ADAP1: variants seen among roughly 807,000 people sequenced by gnomAD.
The protein encoded by ADAP1 is ArfGAP with dual PH domains 1, also known as arf-GAP with dual PH domain-containing protein 1.
ADAP1 carries 31 observed loss-of-function variants against 54.9 expected under a neutral mutation model. The observed-to-expected ratio is 0.56, with a 90% CI of 0.42 to 0.76. ADAP1 has a LOEUF of 0.76. ADAP1 is among the 30% of genes least tolerant of loss of function. The pLI is 0.00. For missense variants in ADAP1, 535 were observed against 512.4 expected, an observed-to-expected ratio of 1.04 and a Z score of -0.42; for synonymous variants, 313 against 202.6, an observed-to-expected ratio of 1.55 and a Z score of -4.63.
rs921961429 is a variant in ADAP1 at position 938,103 on chromosome 7, G to A, written c.83-2598C>T. Among the ~76,000 whole-genome samples the A allele has an allele frequency of 2.0e-5, 3 of 152,172 alleles. No individual in the cohort carries two copies. Among genetic ancestry groups the A allele is most frequent in the African/African-American group, 4.8e-5 (2 of 41,444 alleles). ...GAGTTTTGCCTGTGCTGAGTAGGGC[G>A]GCTTTTGGGAGAAAGAATGCGGTTA... On this transcript the variant is annotated intron_variant, in intron 1 of 10. Coordinates refer to ENST00000265846, the MANE Select transcript of ADAP1 (RefSeq NM_006869.4). This position sits in a 1 kb window ranked among gnomAD's most constrained non-coding sequence, Gnocchi z 4.4.
At chr7:921,019 G>T (rs1488983254) in intron 3 of ADAP1, 4 of 664,422 alleles carry the variant, frequency 6.0e-6, no homozygotes, top group Non-Finnish European at 1.0e-5. Context: ...CTGGCCCCTG[G>T]CCCCAGGTGT....
At chr7:944,534 C>A (rs1024125574) in intron 1 of ADAP1, among the ~76,000 whole-genome samples, 1 of 152,048 alleles carries the variant, frequency 6.6e-6, no homozygotes, top group African/African-American at 2.4e-5. Context: ...GATTATAGGC[C>A]TGAGCCACCG....
chr7:922,829 C>T (rs1283681408), intron 3 of ADAP1: 1 of 148,600 alleles, frequency 6.7e-6, no homozygotes, highest in East Asian at 2.0e-4. Context: ...CGCCCACGCA[C>T]CTGCCTCTCA....
intron 6 of ADAP1, among the ~76,000 whole-genome samples, chr7:903,136 G>A (rs1844905622): frequency 6.6e-6 from 1 of 152,196 alleles, no homozygotes; most frequent in Admixed American, 6.5e-5. Flanking sequence ...ACAACAGTCT[G>A]CGGAGAGTCT....
At position 906,686 on chromosome 7, in the gene ADAP1, ACGGG is replaced by A. The variant is rs1562915160; in HGVS notation, c.389-1518_389-1515del. Among the ~76,000 whole-genome samples the A allele has an allele frequency of 2.9e-3, 192 of 66,292 alleles. 11 individuals are homozygous for A. The highest frequency in any genetic ancestry group is 5.9e-3 in the African/African-American group (73 of 12,468). The allele number at this position is 66,292 out of a possible 152,430, so 43.5% of individuals were successfully genotyped here. On this transcript the variant is annotated intron_variant, in intron 4 of 10. Coordinates refer to ENST00000265846, the MANE Select transcript of ADAP1 (RefSeq NM_006869.4). ...GGGAAAGGGGACATGGACAGGGGAC[ACGGG>A]GGACATGGACATGGGGGACGGGACA...
At chr7:907,311 G>A (rs1335207105) in intron 4 of ADAP1, among the ~76,000 whole-genome samples, 1 of 152,164 alleles carries the variant, frequency 6.6e-6, no homozygotes, top group Non-Finnish European at 1.5e-5. Context: ...AGGGGAGGGA[G>A]GCAGAGATAT....
chr7:909,662 G>A (rs899405404), intron 4 of ADAP1, among the ~76,000 whole-genome samples: 1 of 152,250 alleles, frequency 6.6e-6, no homozygotes, highest in Non-Finnish European at 1.5e-5. Context: ...GTGAGACGGG[G>A]CTTCTCCCCA....
intron 1 of ADAP1, among the ~76,000 whole-genome samples, chr7:936,965 C>T (rs1397422579): frequency 2.0e-5 from 3 of 152,346 alleles, no homozygotes; most frequent in South Asian, 4.1e-4. Context: ...GGGGCTGGGC[C>T]TGGGCTCTGA....
chr7:910,631 G>A (rs561680728), intron 4 of ADAP1, among the ~76,000 whole-genome samples: 24 of 152,214 alleles, frequency 1.6e-4, no homozygotes, highest in Non-Finnish European at 2.6e-4. Flanking sequence ...CACACCTCAC[G>A]TATGTGATTT....
At chr7:913,393 G>A (rs2128101821) in intron 4 of ADAP1, among the ~76,000 whole-genome samples, 1 of 151,762 alleles carries the variant, frequency 6.6e-6, no homozygotes, top group Middle Eastern at 3.4e-3. Context: ...AGTAGAGACG[G>A]GGTTTCACCG....
intron 6 of ADAP1, chr7:901,427 G>A (rs1467577805): frequency 1.1e-5 from 2 of 179,714 alleles, no homozygotes; most frequent in Admixed American, 5.8e-5. Flanking sequence ...GGAAGAGCCA[G>A]GGAGCCCCAT....
At chr7:935,614 A>G in intron 1 of ADAP1, 109 bp from the exon 2 acceptor site, 1 of 1,384,926 alleles carries the variant, frequency 7.2e-7, no homozygotes, top group East Asian at 2.6e-5. Context: ...GGGGGGCTTC[A>G]GCGGAGACCC....
Position 899,250 on chromosome 7 carries a change from G to A in ADAP1, c.879C>T (p.Ala293=), listed in dbSNP as rs771474993. The A allele has an allele frequency of 1.5e-5, 24 of 1,612,606 alleles. No individual in the cohort carries two copies. Among genetic ancestry groups the A allele is most frequent in the Non-Finnish European group, 1.9e-5 (23 of 1,179,946 alleles). The change falls in exon 10 of 11, where the codon GCC becomes GCT. Residue 293 remains alanine (A), a synonymous_variant. Transcript: ENST00000265846. ...TGCTGCCAATGAAGACTTCCCCTCGGGCGAAGGCGTCCTGTGGGTGGGGAC... is the reference window on the plus strand; with the variant it reads ...TGCTGCCAATGAAGACTTCCCCTCGAGCGAAGGCGTCCTGTGGGTGGGGAC... ...MYFKDPLDAF[A]RGEVFIGSKE...
Position 927,302 on chromosome 7 carries a change from C to T in ADAP1, c.214-658G>A, listed in dbSNP as rs1846423815. The stretch of plus-strand genomic sequence containing the variant: ...AGGAGGCTGTCACGCACACTGTGCT[C>T]CTGGCAGGCGCAAAGGCCCTGAGGG... On this transcript the variant is annotated intron_variant, in intron 2 of 10. Transcript: ENST00000265846. 5 of 1,187,980 alleles carry T rather than the reference C, an allele frequency of 4.2e-6. No individual in the cohort carries two copies. The Admixed American group carries it at 1.2e-4, about 28-fold the overall frequency. The allele number at this position is 1,187,980 out of a possible 1,614,324, so 73.6% of individuals were successfully genotyped here. A position where few individuals can be genotyped will look rare whatever the true frequency, so the allele number is the denominator to read the frequency against.
chr7:943,320 G>C (rs1316547266), intron 1 of ADAP1, among the ~76,000 whole-genome samples: 2 of 16,670 alleles, frequency 1.2e-4, no homozygotes, highest in Non-Finnish European at 1.1e-4. Flanking sequence ...GAGAGGAGGA[G>C]GAAGGGAGAG....
intron 1 of ADAP1, among the ~76,000 whole-genome samples, chr7:937,684 A>ACGCTGCACATC (rs1562934307): frequency 4.5e-5 from 3 of 66,448 alleles, no homozygotes; most frequent in African/African-American, 1.2e-4. Context: ...TTTGGGGGTC[A>ACGCTGCACATC]TGCCCGGCCT....
At chr7:905,020 C>T in intron 5 of ADAP1, 40 bp downstream of exon 5, 2 of 1,577,784 alleles carry the variant, frequency 1.3e-6, no homozygotes, top group Non-Finnish European at 1.7e-6. Flanking sequence ...GGGATGCCGC[C>T]CTGGGACAGG....
chr7:898,898 C>T lies in ADAP1; in HGVS notation c.*23G>A, dbSNP rs1472095993. 1.9e-6 allele frequency: 3 copies of T among 1,587,436 alleles called. No individual in the cohort carries two copies. The highest frequency in any genetic ancestry group is 2.6e-6 in the Non-Finnish European group (3 of 1,168,152). On this transcript the variant is annotated 3_prime_UTR_variant, in exon 11 of 11. Coordinates refer to ENST00000265846, the MANE Select transcript of ADAP1 (RefSeq NM_006869.4). ...CGTCCAGCCACAGTGAGTCCAATGTCCGTGGTCCTCCAGCCGCACTCGCTA... is the reference window on the plus strand; with the variant it reads ...CGTCCAGCCACAGTGAGTCCAATGTTCGTGGTCCTCCAGCCGCACTCGCTA...
intron 6 of ADAP1, among the ~76,000 whole-genome samples, chr7:903,368 A>G (rs1844917923): frequency 6.6e-6 from 1 of 152,130 alleles, no homozygotes; most frequent in African/African-American, 2.4e-5. Flanking sequence ...TGGTGCCTAA[A>G]GTGGGTAAAT....
Sources: allele counts gnomAD v4.1 joint callset (sites outside exome capture counted in the v4.1 genomes callset), GRCh38; gene constraint gnomAD v4.1.1; non-coding constraint Gnocchi (gnomAD v3.1); transcripts MANE v1.5; gene names NCBI Gene and HGNC (gene_info 2026-07-23, HGNC 2026-07-21).